SPTA1: variants seen among roughly 807,000 people sequenced by gnomAD.
SPTA1 encodes the protein spectrin alpha chain, erythrocytic 1.
SPTA1 carries 177 observed loss-of-function variants against 324.7 expected under a neutral mutation model. That is an observed-to-expected ratio of 0.55 (90% confidence interval 0.48 to 0.62). SPTA1 has a LOEUF of 0.62. Ranked by LOEUF, SPTA1 falls within the 20% of genes least tolerant of loss-of-function variation. The pLI is 0.00. For missense variants in SPTA1, 3,162 were observed against 2,883.6 expected (o/e 1.10, Z -2.21); for synonymous variants, 1,195 against 1,041.3 (o/e 1.15, Z -2.84).
Position 158,642,504 on chromosome 1 carries a change from G to A in SPTA1, c.4644C>T (p.Val1548=), listed in dbSNP as rs373029557. 41 of 1,613,426 alleles carry A rather than the reference G, an allele frequency of 2.5e-5. No homozygotes were observed. In the Admixed American group the frequency reaches 3.0e-4, roughly 12 times the overall value. The change falls in exon 33 of 52, where the codon GTC becomes GTT. Residue 1548 remains valine (V), a synonymous_variant. Transcript: ENST00000643759. ...CATGCACCTGCTCAGATCGGCCATC[G>A]ACTTCATGTGCAAAGGTCTGGTGTT... The part of the protein sequence containing the change: ...YLKHQTFAHE[V]DGRSEQVHGV...
intron 39 of SPTA1, among the ~76,000 whole-genome samples, chr1:158,633,040 A>G (rs1418941286): frequency 2.0e-5 from 3 of 152,216 alleles, no homozygotes; most frequent in East Asian, 1.9e-4. Context: ...TAATCACCAG[A>G]GTATGGTGCT....
rs1654573946 is a variant in SPTA1 at position 158,678,601 on chromosome 1, C to CT, written c.679-68dup. 6 of 1,560,644 alleles carry CT rather than the reference C, an allele frequency of 3.8e-6. No homozygotes were observed. The Admixed American group carries it at 1.0e-4, about 27-fold the overall frequency. On this transcript the variant is annotated intron_variant, in intron 5 of 51. Coordinates refer to ENST00000643759, the MANE Select transcript of SPTA1 (RefSeq NM_003126.4). Reference sequence around the variant, plus strand: ...TTATATTTAAAAAATTATTCAAACACTTTTCATTTTACATTAGTTCATACT... The same window carrying CT: ...TTATATTTAAAAAATTATTCAAACACTTTTTCATTTTACATTAGTTCATACT...
At chr1:158,613,030 C>T (rs1176672547) in intron 50 of SPTA1, 69 bp from the exon 51 acceptor site, 4 of 1,535,386 alleles carry the variant, frequency 2.6e-6, no homozygotes, top group Non-Finnish European at 2.7e-6. Flanking sequence ...TTTAATCCTA[C>T]TCAGTGTCTC....
intron 39 of SPTA1, among the ~76,000 whole-genome samples, chr1:158,631,769 A>AT (rs1650692282): frequency 6.6e-6 from 1 of 152,196 alleles, no homozygotes; most frequent in African/African-American, 2.4e-5. Flanking sequence ...ACCTGTCAGG[A>AT]TGGCTATTAA....
intron 43 of SPTA1, among the ~76,000 whole-genome samples, chr1:158,622,249 TG>T (rs1035265443): frequency 1.1e-4 from 17 of 152,284 alleles, no homozygotes; most frequent in Admixed American, 5.2e-4. Flanking sequence ...CATATTTATA[TG>T]GAATTTTATA....
intron 33 of SPTA1, among the ~76,000 whole-genome samples, chr1:158,641,271 A>G (rs1054546937): frequency 2.0e-5 from 3 of 152,122 alleles, no homozygotes; most frequent in African/African-American, 7.2e-5. Flanking sequence ...TGTCTAAAAC[A>G]CCAAAAGCAA....
intron 35 of SPTA1, 121 bp downstream of exon 35, chr1:158,639,461 T>A: frequency 1.0e-6 from 1 of 991,472 alleles, no homozygotes; most frequent in East Asian, 2.4e-5. Flanking sequence ...TGACTGCTGG[T>A]TGAGAACACT....
intron 3 of SPTA1, 117 bp from the exon 4 acceptor site, chr1:158,681,784 A>G (rs1403792234): frequency 3.8e-6 from 5 of 1,317,620 alleles, no homozygotes; most frequent in Admixed American, 1.9e-5. Flanking sequence ...CTCATGCATT[A>G]GTTGCTCAAC....
intron 42 of SPTA1, among the ~76,000 whole-genome samples, chr1:158,624,114 ATAC>A (rs751567646): frequency 0.6 from 91,238 of 151,962 alleles, 27,630 homozygotes; most frequent in Middle Eastern, 0.69. Flanking sequence ...AAACACCTAC[ATAC>A]TGCAGGGGTA....
At chr1:158,648,693 T>A (rs184594953) in intron 25 of SPTA1, 40 bp from the exon 26 acceptor site, 1 of 1,610,220 alleles carries the variant, frequency 6.2e-7, no homozygotes, top group Admixed American at 1.7e-5. Context: ...AGTAAGGATA[T>A]GTACCAGAGG....
At chr1:158,683,838 G>C (rs1290266878) in intron 2 of SPTA1, among the ~76,000 whole-genome samples, 2 of 61,734 alleles carry the variant, frequency 3.2e-5, no homozygotes, top group South Asian at 1.2e-3. Context: ...TTATAATAAT[G>C]GTTTTTAAAA....
In SPTA1 at chr1:158,642,511, T is replaced by A; in HGVS notation, c.4637A>T (p.His1546Leu). 1 of 1,613,574 alleles carries A rather than the reference T, an allele frequency of 6.2e-7. No homozygotes were observed. The highest frequency in any genetic ancestry group is 1.3e-5 in the African/African-American group (1 of 74,998). ...CTGCTCAGATCGGCCATCGACTTCA[T>A]GTGCAAAGGTCTGGTGTTTCAGGTA... is the stretch of plus-strand genomic sequence containing the variant. ...RKYLKHQTFA[H>L]EVDGRSEQVH... Residue 1546 changes from histidine to leucine, a missense_variant, in exon 33 of 52, where the codon CAT (histidine) becomes CTT (leucine). Physicochemically the swap from His to Leu is moderately conservative, Grantham distance 99. Transcript: ENST00000643759.
At chr1:158,665,354 T>C (rs527580445) in intron 16 of SPTA1, among the ~76,000 whole-genome samples, 35 of 152,308 alleles carry the variant, frequency 2.3e-4, no homozygotes, top group African/African-American at 8.4e-4. Flanking sequence ...ATGACTTTTT[T>C]CCTGTTTTCT....
chr1:158,616,982 T>C, intron 47 of SPTA1, among the ~76,000 whole-genome samples: 1 of 152,146 alleles, frequency 6.6e-6, no homozygotes. Context: ...TAGTATTTCA[T>C]TTTTTTGTTA....
chr1:158,671,479 A>C, intron 11 of SPTA1, 26 bp from the exon 12 acceptor site: 1 of 1,554,642 alleles, frequency 6.4e-7, no homozygotes. Flanking sequence ...AGACACACCT[A>C]AGCTGTGTCT....
chr1:158,654,897 G>C, intron 20 of SPTA1, 149 bp from the exon 21 acceptor site: 1 of 1,064,148 alleles, frequency 9.4e-7, no homozygotes, highest in Non-Finnish European at 1.4e-6. Flanking sequence ...AAAGTATGTG[G>C]TCTTCAGAGA....
intron 32 of SPTA1, 67 bp from the exon 33 acceptor site, chr1:158,642,609 T>C: frequency 1.2e-6 from 2 of 1,603,148 alleles, no homozygotes; most frequent in Non-Finnish European, 1.7e-6. Flanking sequence ...AGGTAAATTG[T>C]ATTTAAAAGG....
chr1:158,642,315 T>G, intron 33 of SPTA1, 96 bp downstream of exon 33: 1 of 1,320,352 alleles, frequency 7.6e-7, no homozygotes, highest in Non-Finnish European at 1.0e-6. Context: ...ATAATAATAA[T>G]AAAATTAAAA....
chr1:158,622,864 T>G, intron 43 of SPTA1, 119 bp downstream of exon 43: 1 of 978,484 alleles, frequency 1.0e-6, no homozygotes, highest in Non-Finnish European at 1.6e-6. Flanking sequence ...TCCCAACATC[T>G]TTCAATGCAA....
Sources: allele counts gnomAD v4.1 joint callset (sites outside exome capture counted in the v4.1 genomes callset), GRCh38; gene constraint gnomAD v4.1.1; transcripts MANE v1.5; gene names NCBI Gene and HGNC (gene_info 2026-07-23, HGNC 2026-07-21).